The following SULF2 variants were observed in gnomAD, a reference collection of about 807,000 sequenced individuals.
SULF2 encodes sulfatase 2.
In SULF2, 52 loss-of-function variants were observed where a neutral mutation model predicts 107.7. The ratio of observed to expected loss-of-function variants is 0.48; its 90% CI spans 0.39 to 0.61. SULF2 has a LOEUF of 0.61. SULF2 is among the 20% of genes least tolerant of loss of function. The pLI, the probability that SULF2 is intolerant of heterozygous loss-of-function variation, is 0.00. For missense variants in SULF2, 993 were observed against 1,177.3 expected (o/e 0.84, Z 2.29); for synonymous variants, 460 against 464.3 (o/e 0.99, Z 0.12).
chr20:47,746,982 TAAAA>T (rs61191776), intron 2 of SULF2, among the ~76,000 whole-genome samples: 1,571 of 121,130 alleles, frequency 0.013, 24 homozygotes, highest in African/African-American at 0.03. Flanking sequence ...CTTAAATAAA[TAAAA>T]AAAAAAAAAT....
chr20:47,661,141 C>T (rs542508697), intron 18 of SULF2, among the ~76,000 whole-genome samples: 16 of 152,156 alleles, frequency 1.1e-4, no homozygotes, highest in Admixed American at 7.2e-4. Flanking sequence ...CAGGGTGGCC[C>T]GATGCCCTCC....
intron 2 of SULF2, among the ~76,000 whole-genome samples, chr20:47,737,747 TTTTC>T (rs370439139): frequency 0.019 from 2,608 of 137,590 alleles, 112 homozygotes; most frequent in Non-Finnish European, 0.03. Context: ...TGTTTCTTTC[TTTTC>T]TTTGTTTTTT....
intron 3 of SULF2, among the ~76,000 whole-genome samples, chr20:47,721,461 C>G (rs1010174061): frequency 6.6e-6 from 1 of 152,004 alleles, no homozygotes; most frequent in Non-Finnish European, 1.5e-5. Context: ...CTCTGCCTCC[C>G]GGGTTCAAGA....
At chr20:47,763,365 C>T (rs1445805414) in intron 1 of SULF2, among the ~76,000 whole-genome samples, 1 of 152,208 alleles carries the variant, frequency 6.6e-6, no homozygotes, top group African/African-American at 2.4e-5. Flanking sequence ...CTTCCCAATG[C>T]CACAAACCAC....
chr20:47,723,794 T>C (rs535586850), intron 3 of SULF2, among the ~76,000 whole-genome samples: 3 of 152,318 alleles, frequency 2.0e-5, no homozygotes, highest in Admixed American at 2.0e-4. Context: ...TTCTACATTA[T>C]AGTGAGATGT....
chr20:47,761,380 G>A (rs2090415748), intron 1 of SULF2, among the ~76,000 whole-genome samples: 1 of 152,190 alleles, frequency 6.6e-6, no homozygotes, highest in Non-Finnish European at 1.5e-5. Flanking sequence ...CCTGATTTCT[G>A]CTGAATCTGC....
At chr20:47,713,053 G>A (rs759509294) in intron 3 of SULF2, among the ~76,000 whole-genome samples, 1 of 151,902 alleles carries the variant, frequency 6.6e-6, no homozygotes, top group Non-Finnish European at 1.5e-5. Context: ...GGGCAGGGGT[G>A]GGGGGAGAAA....
At position 47,666,453 on chromosome 20, in the gene SULF2, G is replaced by T; in HGVS notation, c.1612C>A (p.Arg538Ser). Reference sequence around the variant, plus strand: ...CCGTCCACCTCGATGGCCACTGAGCGGATGGAGCGACTGCGGACATAGCTG... The same window carrying T: ...CCGTCCACCTCGATGGCCACTGAGCTGATGGAGCGACTGCGGACATAGCTG... ...KASYVRSRSI[R>S]SVAIEVDGRV... Residue 538 changes from arginine to serine, a missense_variant, in exon 12 of 21, where the codon CGC (arginine) becomes AGC (serine). Physicochemically the swap from Arg to Ser is moderately radical, Grantham distance 110. Around this residue, in one of 3 missense-constraint regions of SULF2, gnomAD observed 497 missense variants for 544.1 expected, o/e 0.91. Transcript: ENST00000688720. This position sits in a 1 kb window ranked among gnomAD's most constrained non-coding sequence, Gnocchi z 5.4. 6.2e-7 allele frequency: 1 copy of T among 1,613,686 alleles called. No homozygotes were observed. Among genetic ancestry groups the T allele is most frequent in the Non-Finnish European group, 8.5e-7 (1 of 1,180,030 alleles).
chr20:47,659,441 C>A lies in SULF2; in HGVS notation c.2540G>T (p.Arg847Leu). The A allele has an allele frequency of 6.2e-7, 1 of 1,614,090 alleles. No homozygotes were observed. The highest frequency in any genetic ancestry group is 2.2e-5 in the East Asian group (1 of 44,882). Reference sequence around the variant, plus strand: ...TCTCTTCATTTCTGGCCACTTTCGACGCTGAAACTGCCTAAGTTTTCAAGT... The same window carrying A: ...TCTCTTCATTTCTGGCCACTTTCGAAGCTGAAACTGCCTAAGTTTTCAAGT... Reference protein sequence around the residue: ...GSYEQYRQFQRRKWPEMKRPS... With the variant: ...GSYEQYRQFQLRKWPEMKRPS... Residue 847 changes from arginine to leucine, a missense_variant, in exon 20 of 21, where the codon CGT becomes CTT. Physicochemically the swap from Arg to Leu is moderately radical, Grantham distance 102. This residue lies in a region of SULF2 where 497 missense variants were observed against 544.1 expected (regional missense o/e 0.91). Transcript: ENST00000688720.
In SULF2 at chr20:47,783,288, ACTAAAGT is replaced by A. The variant is rs2090864715; in HGVS notation, c.-101+2048_-101+2054del. Among the ~76,000 whole-genome samples the A allele has an allele frequency of 2.0e-5, 3 of 152,228 alleles. No individual in the cohort carries two copies. The South Asian group carries it at 6.2e-4, about 32-fold the overall frequency. On this transcript the variant is annotated intron_variant, in intron 1 of 20. Transcript: ENST00000688720. ...AGGGCTTCTGGACTCCTTCTGCAGGACTAAAGTCTAAGGTCAGATAATGGCCAAAGCT... is the reference window on the plus strand; with the variant it reads ...AGGGCTTCTGGACTCCTTCTGCAGGACTAAGGTCAGATAATGGCCAAAGCT...
At position 47,678,866 on chromosome 20, in the gene SULF2, G is replaced by A; in HGVS notation, c.1065-62C>T. The A allele has an allele frequency of 2.0e-6, 3 of 1,500,390 alleles. No homozygotes were observed. The highest frequency in any genetic ancestry group is 2.8e-6 in the Non-Finnish European group (3 of 1,088,018). The allele number at this position is 1,500,390 out of a possible 1,614,324, so 92.9% of individuals were successfully genotyped here. On this transcript the variant is annotated intron_variant, in intron 7 of 20. Transcript: ENST00000688720. This position sits in a 1 kb window ranked among gnomAD's most constrained non-coding sequence, Gnocchi z 4.5. ...GGTGGTGGTGCCTCAGCCTCGCGTG[G>A]GGGGTGGGGAGCGGTAGGTGGGCAG...
intron 3 of SULF2, among the ~76,000 whole-genome samples, chr20:47,726,792 C>G (rs2089455044): frequency 6.6e-6 from 1 of 152,302 alleles, no homozygotes; most frequent in East Asian, 1.9e-4. Context: ...ACTCTGAAAC[C>G]CCCGGAAGCC....
At chr20:47,679,403 C>G (rs1466647831) in intron 7 of SULF2, among the ~76,000 whole-genome samples, 1 of 152,192 alleles carries the variant, frequency 6.6e-6, no homozygotes, top group Non-Finnish European at 1.5e-5. Flanking sequence ...GGGTGTGGAC[C>G]AACCTGCACC....
At chr20:47,708,200 G>C (rs956973096) in intron 3 of SULF2, among the ~76,000 whole-genome samples, 1 of 152,210 alleles carries the variant, frequency 6.6e-6, no homozygotes, top group Non-Finnish European at 1.5e-5. Flanking sequence ...AAATAAAGGA[G>C]AATGATAGGA....
intron 2 of SULF2, among the ~76,000 whole-genome samples, chr20:47,738,995 A>G (rs1434900233): frequency 6.6e-6 from 1 of 152,154 alleles, no homozygotes; most frequent in African/African-American, 2.4e-5. Flanking sequence ...GCCACATTCA[A>G]AGGGAAGCAG....
intron 3 of SULF2, among the ~76,000 whole-genome samples, chr20:47,714,507 A>T (rs994865849): frequency 2.6e-5 from 4 of 152,084 alleles, no homozygotes; most frequent in Non-Finnish European, 4.4e-5. Context: ...GGTCCAAGCC[A>T]CCACTGCCTC....
chr20:47,690,249 C>T lies in SULF2; in HGVS notation c.614G>A (p.Arg205His), dbSNP rs752358752. ...LITNDSVSFF[R>H]TSKKMYPHRP... ...GTGCGGGTACATCTTCTTGGACGTG[C>T]GGAAGAAGCTCACGCTGTCATTGGT... The change falls in exon 5 of 21, where the codon CGC (arginine) becomes CAC (histidine). Residue 205 changes from arginine (R) to histidine (H), a missense_variant. Physicochemically the swap from Arg to His is conservative, Grantham distance 29. Around this residue, in one of 3 missense-constraint regions of SULF2, gnomAD observed 388 missense variants for 449.2 expected, o/e 0.86. Coordinates refer to ENST00000688720, the MANE Select transcript of SULF2 (RefSeq NM_001387048.1). 2.4e-5 allele frequency: 37 copies of T among 1,561,036 alleles called. No homozygotes were observed. The highest frequency in any genetic ancestry group is 1.7e-4 in the Middle Eastern group (1 of 5,860).
Position 47,658,207 on chromosome 20 carries a change from T to A in SULF2, c.*155A>T. 1 of 753,264 alleles carries A rather than the reference T, an allele frequency of 1.3e-6. No homozygotes were observed. Among genetic ancestry groups the A allele is most frequent in the East Asian group, 2.6e-5 (1 of 38,956 alleles). The allele number at this position is 753,264 out of a possible 1,614,324, so 46.7% of individuals were successfully genotyped here. On this transcript the variant is annotated 3_prime_UTR_variant, in exon 21 of 21. Coordinates refer to ENST00000688720, the MANE Select transcript of SULF2 (RefSeq NM_001387048.1). ...TTATCTCTGCTCCTGCTGGTTATCC[T>A]CCAGAATCTGTCATGTTGACTGAGA...
intron 2 of SULF2, among the ~76,000 whole-genome samples, chr20:47,750,307 T>C (rs1013887733): frequency 6.6e-6 from 1 of 152,168 alleles, no homozygotes; most frequent in Non-Finnish European, 1.5e-5. Flanking sequence ...GTTTTCCCCA[T>C]CTCTGTACAC....
Sources: gnomAD v4.1 joint callset for allele counts (sites outside exome capture counted in the v4.1 genomes callset) on GRCh38, gnomAD v4.1.1 for gene constraint, gnomAD v4.1.1 regional missense constraint, Gnocchi (gnomAD v3.1) non-coding constraint, MANE v1.5 for transcripts, NCBI Gene and HGNC (gene_info 2026-07-23, HGNC 2026-07-21) for gene names.